ME1: variants seen among roughly 807,000 people sequenced by gnomAD.
The protein encoded by ME1 is malic enzyme 1, also known as NADP-dependent malic enzyme.
ME1 carries 74 observed loss-of-function variants against 66.4 expected under a neutral mutation model. That is an observed-to-expected ratio of 1.11 (90% CI 0.92 to 1.35). The LOEUF (loss-of-function observed/expected upper bound fraction) is 1.35. ME1 is among the 40% of genes most tolerant of loss of function. ME1 has a pLI of 0.00. For missense variants in ME1, 750 were observed against 694.1 expected, an observed-to-expected ratio of 1.08 and a Z score of -0.90; for synonymous variants, 251 against 235.6, an observed-to-expected ratio of 1.07 and a Z score of -0.60.
At chr6:83,352,036 G>A (rs776316206) in intron 4 of ME1, 28 bp downstream of exon 4, 18 of 1,479,132 alleles carry the variant, frequency 1.2e-5, no homozygotes, top group Non-Finnish European at 1.5e-5. Flanking sequence ...GAAAAAATTT[G>A]CTATAGTGGA....
chr6:83,329,508 CAAAT>C (rs1461965770), intron 5 of ME1, among the ~76,000 whole-genome samples: 1 of 152,084 alleles, frequency 6.6e-6, no homozygotes, highest in Non-Finnish European at 1.5e-5. Flanking sequence ...GTTGCAGTCT[CAAAT>C]AAGGTATCTT....
At chr6:83,363,805 A>G (rs1468959333) in intron 3 of ME1, among the ~76,000 whole-genome samples, 1 of 152,252 alleles carries the variant, frequency 6.6e-6, no homozygotes, top group African/African-American at 2.4e-5. Context: ...ATCATGTGAC[A>G]TAAGATTAAC....
chr6:83,304,565 C>G (rs983090230), intron 6 of ME1, among the ~76,000 whole-genome samples: 18 of 152,044 alleles, frequency 1.2e-4, no homozygotes, highest in African/African-American at 3.6e-4. Context: ...CATGTATATA[C>G]AGAATATGAT....
chr6:83,215,371 G>A (rs983089255), intron 13 of ME1, among the ~76,000 whole-genome samples: 3 of 152,270 alleles, frequency 2.0e-5, no homozygotes, highest in African/African-American at 7.2e-5. Context: ...GCTGAAGATT[G>A]TACAATGCCT....
At chr6:83,291,687 TCTC>T (rs1259133883) in intron 6 of ME1, among the ~76,000 whole-genome samples, 1 of 152,140 alleles carries the variant, frequency 6.6e-6, no homozygotes, top group African/African-American at 2.4e-5. Flanking sequence ...TTGGGGAAGT[TCTC>T]CTGCATAATA....
intron 6 of ME1, among the ~76,000 whole-genome samples, chr6:83,259,903 T>A (rs1267217132): frequency 6.6e-6 from 1 of 152,110 alleles, no homozygotes; most frequent in Non-Finnish European, 1.5e-5. Context: ...CATATTCTCA[T>A]CCCCTCAAGT....
intron 3 of ME1, among the ~76,000 whole-genome samples, chr6:83,377,451 G>T (rs1769315804): frequency 6.6e-6 from 1 of 152,104 alleles, no homozygotes; most frequent in Non-Finnish European, 1.5e-5. Flanking sequence ...TATCAAAAAT[G>T]TCTTTTCAGA....
Position 83,219,344 on chromosome 6 carries a change from T to C in ME1, c.1450-2748A>G, listed in dbSNP as rs535888892. ...ACAATGTTAAAAAGATGTCAGAGCA[T>C]GGTGGTTGAAGGCTCAGGCTCTGGT... is the stretch of plus-strand genomic sequence containing the variant. On this transcript the variant is annotated intron_variant, in intron 12 of 13. Transcript: ENST00000369705. 1.4e-3 allele frequency among the ~76,000 whole-genome samples: 218 copies of C among 152,288 alleles called. 1 individual carries two copies. Among genetic ancestry groups the C allele is most frequent in the African/African-American group, 4.8e-3 (201 of 41,566 alleles).
intron 6 of ME1, among the ~76,000 whole-genome samples, chr6:83,268,964 A>G (rs773111687): frequency 2.6e-5 from 4 of 152,202 alleles, no homozygotes; most frequent in Non-Finnish European, 4.4e-5. Flanking sequence ...TTCACTAAAT[A>G]TTAGTTATTG....
intron 3 of ME1, among the ~76,000 whole-genome samples, chr6:83,358,096 G>A (rs1329213935): frequency 6.6e-6 from 1 of 151,028 alleles, no homozygotes; most frequent in African/African-American, 2.4e-5. Flanking sequence ...AGAATATTAA[G>A]GATGGAGTTC....
chr6:83,233,784 TA>T (rs1225453137), intron 9 of ME1, among the ~76,000 whole-genome samples: 16 of 151,696 alleles, frequency 1.1e-4, no homozygotes, highest in Non-Finnish European at 2.2e-4. Context: ...GAATGAAGGA[TA>T]AAAAACACAA....
At chr6:83,361,491 C>T (rs1374434769) in intron 3 of ME1, among the ~76,000 whole-genome samples, 2 of 152,232 alleles carry the variant, frequency 1.3e-5, no homozygotes, top group Non-Finnish European at 2.9e-5. Context: ...GGCTGCTGTG[C>T]CAGCTCCTCT....
chr6:83,230,924 C>G (rs934383484), intron 9 of ME1, among the ~76,000 whole-genome samples: 2 of 152,010 alleles, frequency 1.3e-5, no homozygotes, highest in Non-Finnish European at 2.9e-5. Context: ...CAGCGAGACT[C>G]TGTCTCAAAA....
At chr6:83,314,429 G>T (rs1006685728) in intron 6 of ME1, among the ~76,000 whole-genome samples, 7 of 152,114 alleles carry the variant, frequency 4.6e-5, no homozygotes, top group Non-Finnish European at 1.5e-5. Flanking sequence ...AAAAATGATT[G>T]CTTATTGCTA....
chr6:83,340,680 TA>T (rs1943617100), intron 5 of ME1, among the ~76,000 whole-genome samples: 1 of 120,468 alleles, frequency 8.3e-6, no homozygotes, highest in South Asian at 2.4e-4. Context: ...TGTTATGTGC[TA>T]TTTTTTTTTT....
intron 3 of ME1, among the ~76,000 whole-genome samples, chr6:83,387,706 T>C (rs1428094269): frequency 1.3e-5 from 2 of 152,172 alleles, no homozygotes; most frequent in East Asian, 3.8e-4. Flanking sequence ...TTATTAAATG[T>C]AGGAAAAATA....
intron 1 of ME1, among the ~76,000 whole-genome samples, chr6:83,410,054 T>C (rs561251054): frequency 6.3e-4 from 95 of 150,716 alleles, no homozygotes; most frequent in Non-Finnish European, 1.1e-3. Flanking sequence ...TGGTATCGCC[T>C]GAAGTCTTTG....
At chr6:83,421,116 G>A (rs952955517) in intron 1 of ME1, among the ~76,000 whole-genome samples, 12 of 152,028 alleles carry the variant, frequency 7.9e-5, no homozygotes, top group Admixed American at 2.6e-4. Context: ...GGGCACAAAT[G>A]AAGTATGTAG....
intron 9 of ME1, 60 bp downstream of exon 9, chr6:83,237,657 A>C: frequency 1.2e-6 from 1 of 851,688 alleles, no homozygotes; most frequent in South Asian, 1.8e-5. Context: ...GTTGTCTTTG[A>C]GATGGCCATC....
Sources: gnomAD v4.1 joint callset for allele counts (sites outside exome capture counted in the v4.1 genomes callset) on GRCh38, gnomAD v4.1.1 for gene constraint, MANE v1.5 for transcripts, NCBI Gene and HGNC (gene_info 2026-07-23, HGNC 2026-07-21) for gene names.